TAF5L: variants seen among roughly 807,000 people sequenced by gnomAD.
The protein encoded by TAF5L is TATA-box binding protein associated factor 5 like.
Under a neutral mutation model 51.3 loss-of-function variants are expected in TAF5L, and 7 were observed. The ratio of observed to expected loss-of-function variants is 0.14; its 90% CI spans 0.08 to 0.26. The LOEUF is 0.26. TAF5L is among the 10% of genes least tolerant of loss of function. TAF5L has a pLI of 1.00. For missense variants in TAF5L, 575 were observed against 758.9 expected, an observed-to-expected ratio of 0.76 and a Z score of 2.85; for synonymous variants, 291 against 308.1, an observed-to-expected ratio of 0.94 and a Z score of 0.58.
chr1:229,609,810 A>T (rs1664724088), intron 3 of TAF5L, among the ~76,000 whole-genome samples: 1 of 33,644 alleles, frequency 3.0e-5, no homozygotes, highest in Non-Finnish European at 6.2e-5. Context: ...AACAGTGAAT[A>T]AACACCCAGA....
chr1:229,602,715 G>C lies in TAF5L; in HGVS notation c.452C>G (p.Ser151Cys), dbSNP rs1664430276. 1 of 1,614,170 alleles carries C rather than the reference G, an allele frequency of 6.2e-7. No individual in the cohort carries two copies. The highest frequency in any genetic ancestry group is 8.5e-7 in the Non-Finnish European group (1 of 1,180,028). The change falls in exon 4 of 5, where the codon TCT (serine) becomes TGT (cysteine). Residue 151 changes from serine (S) to cysteine (C), a missense_variant. Ser to Cys is a moderately radical substitution (Grantham distance 112). Coordinates refer to ENST00000258281, the Ensembl canonical transcript of TAF5L. This position sits in a 1 kb window ranked among gnomAD's most constrained non-coding sequence, Gnocchi z 4.6. ...TAGGAATGCTCGAAGCTTGAAGTTAGATAGGATGTCCTGGATGGTTTGAGT... is the reference window on the plus strand; with the variant it reads ...TAGGAATGCTCGAAGCTTGAAGTTACATAGGATGTCCTGGATGGTTTGAGT...
chr1:229,608,875 A>T (rs1664693042), intron 3 of TAF5L, among the ~76,000 whole-genome samples: 1 of 152,104 alleles, frequency 6.6e-6, no homozygotes, highest in South Asian at 2.1e-4. Flanking sequence ...GTTGTGGCAC[A>T]TGCTTGTGGT....
chr1:229,618,070 T>G (rs1428809007), intron 1 of TAF5L, among the ~76,000 whole-genome samples: 6 of 152,196 alleles, frequency 3.9e-5, no homozygotes, highest in Admixed American at 2.0e-4. Flanking sequence ...GAACCTGAGA[T>G]AAATCGGTCC....
intron 3 of TAF5L, among the ~76,000 whole-genome samples, chr1:229,604,692 C>A (rs1664516547): frequency 6.6e-6 from 1 of 152,100 alleles, no homozygotes; most frequent in African/African-American, 2.4e-5. Flanking sequence ...GTTTGGGTCA[C>A]CCCACCAGGT....
chr1:229,621,583 ATTTC>A (rs1665204200), intron 1 of TAF5L, among the ~76,000 whole-genome samples: 1 of 152,222 alleles, frequency 6.6e-6, no homozygotes, highest in African/African-American at 2.4e-5. Context: ...ACAGCAGCTA[ATTTC>A]TTTCTGTAAA....
intron 4 of TAF5L, among the ~76,000 whole-genome samples, chr1:229,598,370 T>C (rs778789565): frequency 3.3e-5 from 5 of 152,216 alleles, no homozygotes; most frequent in Non-Finnish European, 7.3e-5. Flanking sequence ...ATATTCCCAT[T>C]GGATAGCATT....
At chr1:229,608,353 C>T (rs961097412) in intron 3 of TAF5L, among the ~76,000 whole-genome samples, 4 of 151,976 alleles carry the variant, frequency 2.6e-5, no homozygotes, top group East Asian at 1.9e-4. Flanking sequence ...GTTACAAAAA[C>T]GAAAAATCAT....
intron 1 of TAF5L, among the ~76,000 whole-genome samples, chr1:229,620,031 A>G (rs1200181828): frequency 6.6e-6 from 1 of 152,170 alleles, no homozygotes; most frequent in Non-Finnish European, 1.5e-5. Flanking sequence ...AGCAAAAACA[A>G]AACAAAAGAA....
intron 1 of TAF5L, among the ~76,000 whole-genome samples, chr1:229,619,586 T>C (rs374426757): frequency 6.6e-6 from 1 of 152,130 alleles, no homozygotes; most frequent in South Asian, 2.1e-4. Flanking sequence ...AGAAGTCTTG[T>C]TTCATCAACT....
chr1:229,616,303 C>T (rs893831343), intron 1 of TAF5L, among the ~76,000 whole-genome samples: 2 of 152,080 alleles, frequency 1.3e-5, no homozygotes, highest in African/African-American at 2.4e-5. Flanking sequence ...TGCGAACCAC[C>T]GTGCCTGCTC....
At chr1:229,605,550 T>TG (rs951511230) in intron 3 of TAF5L, among the ~76,000 whole-genome samples, 2 of 151,934 alleles carry the variant, frequency 1.3e-5, no homozygotes, top group Non-Finnish European at 1.5e-5. Context: ...TGTCAAACTG[T>TG]GGGGGGGCCC....
Position 229,603,752 on chromosome 1 carries a change from G to A in TAF5L, c.248-833C>T, listed in dbSNP as rs114925842. Among the ~76,000 whole-genome samples, 543 of 152,348 alleles carry A rather than the reference G, an allele frequency of 3.6e-3. 4 individuals are homozygous for A. The highest frequency in any genetic ancestry group is 0.012 in the African/African-American group (517 of 41,576). ...ATGTTATTTAAAAGGTGTACAGCTTGAATTCATGGGTGAATGAGAAAAGAA... is the reference window on the plus strand; with the variant it reads ...ATGTTATTTAAAAGGTGTACAGCTTAAATTCATGGGTGAATGAGAAAAGAA... On this transcript the variant is annotated intron_variant, in intron 3 of 4. Coordinates refer to ENST00000258281, the Ensembl canonical transcript of TAF5L.
chr1:229,615,267 T>C (rs978427323), intron 1 of TAF5L, among the ~76,000 whole-genome samples: 1 of 152,118 alleles, frequency 6.6e-6, no homozygotes, highest in Non-Finnish European at 1.5e-5. Context: ...TTTTGTATTT[T>C]TAGTAGAGAC....
rs182002103 is a variant in TAF5L, at chr1:229,614,060, A to G, written c.142+281T>C. The G allele has an allele frequency of 1.7e-4, 103 of 611,482 alleles. No homozygotes were observed. In the East Asian group the frequency reaches 2.1e-3, roughly 12 times the overall value. The allele number at this position is 611,482 out of a possible 1,614,324, so 37.9% of individuals were successfully genotyped here. A position where few individuals can be genotyped will look rare whatever the true frequency, so the allele number is the denominator to read the frequency against. ...TTTACAGAAGGAAAAAGTTGCACGTACTTTCAGGTACAGATAAAGTAACTG... is the reference window on the plus strand; with the variant it reads ...TTTACAGAAGGAAAAAGTTGCACGTGCTTTCAGGTACAGATAAAGTAACTG... On this transcript the variant is annotated intron_variant, in intron 2 of 4. Coordinates refer to ENST00000258281, the Ensembl canonical transcript of TAF5L.
intron 4 of TAF5L, 125 bp from the exon 5 acceptor site, chr1:229,595,219 T>A: frequency 9.9e-7 from 1 of 1,007,656 alleles, no homozygotes; most frequent in Non-Finnish European, 1.4e-6. Flanking sequence ...ATAGCATCTA[T>A]CCAGCAAATG....
chr1:229,622,033 CTA>C (rs1237079121), intron 1 of TAF5L, among the ~76,000 whole-genome samples: 1 of 128,910 alleles, frequency 7.8e-6, no homozygotes, highest in Non-Finnish European at 1.5e-5. Flanking sequence ...ATCTATCTAT[CTA>C]TCTATCTATC....
intron 3 of TAF5L, among the ~76,000 whole-genome samples, chr1:229,605,126 G>GTATATATATATATATATA (rs1664541571): frequency 6.8e-6 from 1 of 146,570 alleles, no homozygotes; most frequent in African/African-American, 2.6e-5. Flanking sequence ...ATATATATAT[G>GTATATATATATATATATA]TATTTTTTTT....
intron 4 of TAF5L, chr1:229,599,433 C>T (rs560712217): frequency 3.6e-5 from 6 of 164,566 alleles, no homozygotes; most frequent in South Asian, 2.0e-4. Flanking sequence ...CACCCATTAG[C>T]GGTCACTCTC....
At chr1:229,609,593 A>G (rs1386363439) in intron 3 of TAF5L, among the ~76,000 whole-genome samples, 3 of 152,198 alleles carry the variant, frequency 2.0e-5, no homozygotes, top group African/African-American at 7.2e-5. Context: ...GACAACTTCT[A>G]GCATTTTTGC....
Sources: allele counts gnomAD v4.1 joint callset (sites outside exome capture counted in the v4.1 genomes callset), GRCh38; gene constraint gnomAD v4.1.1; non-coding constraint Gnocchi (gnomAD v3.1); transcripts MANE v1.5; gene names NCBI Gene and HGNC (gene_info 2026-07-23, HGNC 2026-07-21).